ANK3: variants seen among roughly 807,000 people sequenced by gnomAD.
ANK3 encodes the protein ankyrin-3.
A neutral mutation model predicts 370.9 loss-of-function variants in ANK3; 57 were observed. The ratio of observed to expected loss-of-function variants is 0.15; its 90% confidence interval spans 0.12 to 0.19. The LOEUF (loss-of-function observed/expected upper bound fraction) is 0.19, where lower values mean the gene tolerates loss of function less well. Ranked by LOEUF, ANK3 falls within the 10% of genes least tolerant of loss-of-function variation. The pLI, the probability that ANK3 is intolerant of heterozygous loss-of-function variation, is 1.00. For synonymous variants in ANK3, 1,929 were observed against 1,946.3 expected (o/e 0.99, Z 0.23); for missense variants, 4,439 against 5,302.1 (o/e 0.84, Z 5.06).
intron 2 of ANK3, among the ~76,000 whole-genome samples, chr10:60,589,451 GT>G (rs1371274675): frequency 6.6e-6 from 1 of 152,122 alleles, no homozygotes; most frequent in East Asian, 1.9e-4. Context: ...TATAAACATG[GT>G]TTTTGTGCCT....
rs111234960 is a variant in ANK3 at position 60,435,862 on chromosome 10, G to A, written c.97-156223C>T. ...CGCCTGTAATCCCAGCACTTTGGGAGGCCGAGGCGGGCGGATCACGAGGTC... is the reference window on the plus strand; with the variant it reads ...CGCCTGTAATCCCAGCACTTTGGGAAGCCGAGGCGGGCGGATCACGAGGTC... On this transcript the variant is annotated intron_variant, in intron 2 of 43. Transcript: ENST00000373827. Among the ~76,000 whole-genome samples, 445 of 152,258 alleles carry A rather than the reference G, an allele frequency of 2.9e-3. 2 individuals are homozygous for A. Among genetic ancestry groups the A allele is most frequent in the African/African-American group, 0.01 (422 of 41,528 alleles).
At chr10:60,623,556 C>T (rs1473706873) in intron 1 of ANK3, among the ~76,000 whole-genome samples, 1 of 152,044 alleles carries the variant, frequency 6.6e-6, no homozygotes, top group East Asian at 1.9e-4. Flanking sequence ...ATAAAAGCCA[C>T]CTGAAAAGTA....
intron 28 of ANK3, among the ~76,000 whole-genome samples, chr10:60,101,239 C>T (rs1220233581): frequency 1.3e-5 from 2 of 152,070 alleles, no homozygotes; most frequent in African/African-American, 4.8e-5. Flanking sequence ...TCTGTTGTTC[C>T]CTGGAGCTAG....
intron 1 of ANK3, among the ~76,000 whole-genome samples, chr10:60,629,682 A>G (rs2078456505): frequency 6.6e-6 from 1 of 152,198 alleles, no homozygotes; most frequent in Non-Finnish European, 1.5e-5. Flanking sequence ...TATTTAATAA[A>G]CAAAATCAGT....
rs2082446871 is a variant in ANK3, at chr10:60,070,268, T to C, written c.10613A>G (p.Lys3538Arg). 2 of 1,613,940 alleles carry C rather than the reference T, an allele frequency of 1.2e-6. No individual in the cohort carries two copies. Among genetic ancestry groups the C allele is most frequent in the African/African-American group, 2.7e-5 (2 of 74,890 alleles). Residue 3538 changes from lysine (K) to arginine (R), a missense_variant, in exon 37 of 44, where the codon AAA becomes AGA. Around this residue, in one of 13 missense-constraint regions of ANK3, gnomAD observed 1,601 missense variants for 1,731.7 expected, o/e 0.92. Transcript: ENST00000280772. This position sits in a 1 kb window ranked among gnomAD's most constrained non-coding sequence, Gnocchi z 5.7. The stretch of plus-strand genomic sequence containing the variant: ...AGACCAAGGGTCAAAATCTAGACCT[T>C]TGGTAGCTACTGTTTTAAAAGGAGT... ...FATPFKTVAT[K>R]GLDFDPWSNN...
chr10:60,659,826 G>A (rs72811827), intron 1 of ANK3, among the ~76,000 whole-genome samples: 5,249 of 152,114 alleles, frequency 0.035, 144 homozygotes, highest in Non-Finnish European at 0.055. Context: ...TTAAAAAATG[G>A]GACAAGGTAT....
At chr10:60,368,194 C>G (rs1254376781) in intron 1 of ANK3, among the ~76,000 whole-genome samples, 1 of 151,934 alleles carries the variant, frequency 6.6e-6, no homozygotes, top group East Asian at 1.9e-4. Context: ...GAGAAAATCT[C>G]TAGGGGCAAT....
intron 7 of ANK3, among the ~76,000 whole-genome samples, chr10:60,254,046 C>T (rs2097702938): frequency 6.6e-6 from 1 of 151,986 alleles, no homozygotes; most frequent in African/African-American, 2.4e-5. Flanking sequence ...CTGAGGATGC[C>T]AAAACCCATG....
chr10:60,594,068 T>A (rs1280218777), intron 2 of ANK3, among the ~76,000 whole-genome samples: 1 of 152,232 alleles, frequency 6.6e-6, no homozygotes, highest in African/African-American at 2.4e-5. Context: ...AAGAGATTTA[T>A]AGAACTAAAA....
At chr10:60,360,468 A>G (rs1414023882) in intron 1 of ANK3, among the ~76,000 whole-genome samples, 1 of 152,184 alleles carries the variant, frequency 6.6e-6, no homozygotes, top group African/African-American at 2.4e-5. Context: ...CAGCACTTTG[A>G]GAGGCTGAGG....
chr10:60,087,308 T>G (rs1391126216), intron 29 of ANK3, among the ~76,000 whole-genome samples: 1 of 152,220 alleles, frequency 6.6e-6, no homozygotes, highest in Non-Finnish European at 1.5e-5. Flanking sequence ...AATAACAAAA[T>G]GCATTCAAAA....
intron 5 of ANK3, 124 bp from the exon 6 acceptor site, chr10:60,264,144 A>G (rs1201404118): frequency 1.4e-6 from 1 of 738,608 alleles, no homozygotes; most frequent in Non-Finnish European, 2.1e-6. Flanking sequence ...TAAAACTAAC[A>G]ACATATTTGA....
chr10:60,464,517 A>T (rs990805097), intron 2 of ANK3, among the ~76,000 whole-genome samples: 1 of 152,182 alleles, frequency 6.6e-6, no homozygotes, highest in African/African-American at 2.4e-5. Context: ...TAACTAAAAC[A>T]TCTTAAACAT....
chr10:60,194,211 A>T (rs964101010), intron 16 of ANK3, among the ~76,000 whole-genome samples: 1 of 152,254 alleles, frequency 6.6e-6, no homozygotes, highest in African/African-American at 2.4e-5. Flanking sequence ...CAACCATTAA[A>T]TTCCTTACAA....
At chr10:60,572,711 C>A (rs2077628760) in intron 2 of ANK3, 2 of 1,393,134 alleles carry the variant, frequency 1.4e-6, no homozygotes, top group Non-Finnish European at 1.9e-6. Flanking sequence ...GCTAATGTAG[C>A]CCTGTTCAGC....
chr10:60,114,206 T>G lies in ANK3; in HGVS notation c.2948+19A>C. ...GTTCATGTAGTAGGATAATGAAAAGTGACATTTAGGTTACTTACCCAGAAT... is the reference window on the plus strand; with the variant it reads ...GTTCATGTAGTAGGATAATGAAAAGGGACATTTAGGTTACTTACCCAGAAT... On this transcript the variant is annotated intron_variant, in intron 26 of 43. Transcript: ENST00000280772. The G allele has an allele frequency of 4.1e-6, 6 of 1,452,010 alleles. No individual in the cohort carries two copies. Among genetic ancestry groups the G allele is most frequent in the Non-Finnish European group, 5.7e-6 (6 of 1,046,678 alleles). The allele number at this position is 1,452,010 out of a possible 1,614,324, so 89.9% of individuals were successfully genotyped here. A position where few individuals can be genotyped will look rare whatever the true frequency, so the allele number is the denominator to read the frequency against.
intron 1 of ANK3, among the ~76,000 whole-genome samples, chr10:60,665,664 G>A (rs771821780): frequency 6.6e-5 from 10 of 152,178 alleles, no homozygotes; most frequent in Non-Finnish European, 1.0e-4. Context: ...TCTATTAAGT[G>A]TATCTTGAGA....
In ANK3 at chr10:60,606,325, T is replaced by A. The variant is rs189767511; in HGVS notation, c.96+8861A>T. Among the ~76,000 whole-genome samples, 460 of 152,276 alleles carry A rather than the reference T, an allele frequency of 3.0e-3. 5 individuals carry two copies. The highest frequency in any genetic ancestry group is 0.021 in the Admixed American group (326 of 15,292). ...TACTAAAAATAATTTAAAAGTTTTTTATTAATCAAATTAATTGGTCTCATG... is the reference window on the plus strand; with the variant it reads ...TACTAAAAATAATTTAAAAGTTTTTAATTAATCAAATTAATTGGTCTCATG... On this transcript the variant is annotated intron_variant, in intron 2 of 43. Transcript: ENST00000373827.
At position 60,414,397 on chromosome 10, in the gene ANK3, A is replaced by T. The variant is rs550449597; in HGVS notation, c.97-134758T>A. Among the ~76,000 whole-genome samples the T allele has an allele frequency of 2.6e-5, 4 of 152,338 alleles. No homozygotes were observed. The East Asian group carries it at 7.7e-4, about 29-fold the overall frequency. ...ACAGGAATATACAAAATTTCTCAGG[A>T]ACATGCAACTTTATAACAATGAAGA... On this transcript the variant is annotated intron_variant, in intron 2 of 43. Transcript: ENST00000373827.
Sources: allele counts gnomAD v4.1 joint callset (sites outside exome capture counted in the v4.1 genomes callset), GRCh38; gene constraint gnomAD v4.1.1; regional missense constraint gnomAD v4.1.1; non-coding constraint Gnocchi (gnomAD v3.1); transcripts MANE v1.5; gene names NCBI Gene and HGNC (gene_info 2026-07-23, HGNC 2026-07-21).